Variants in AGAP4 observed in about 807,000 individuals in gnomAD.
The protein encoded by AGAP4 is arf-GAP with GTPase, ANK repeat and PH domain-containing protein 4.
AGAP4 carries 13 observed loss-of-function variants against 60.7 expected under a neutral mutation model. The ratio of observed to expected loss-of-function variants is 0.21; its 90% CI spans 0.14 to 0.34. The LOEUF is 0.34. Among genes scored for constraint, AGAP4 ranks in the 10% least tolerant of loss-of-function variants. AGAP4 has a pLI of 1.00. For synonymous variants in AGAP4, 70 were observed against 339.0 expected, an observed-to-expected ratio of 0.21 and a Z score of 8.72; for missense variants, 169 against 884.0, an observed-to-expected ratio of 0.19 and a Z score of 10.26.
At chr10:45,836,959 G>A (rs1219583092) in intron 4 of AGAP4, among the ~76,000 whole-genome samples, 3 of 148,634 alleles carry the variant, frequency 2.0e-5, no homozygotes, top group Non-Finnish European at 3.0e-5. Flanking sequence ...CTCTGCCTCC[G>A]AGGTTCAAGC....
intron 4 of AGAP4, among the ~76,000 whole-genome samples, chr10:45,840,010 C>A (rs1554898499): frequency 6.7e-6 from 1 of 149,824 alleles, no homozygotes; most frequent in Non-Finnish European, 1.5e-5. Flanking sequence ...ATCTGAATAA[C>A]AAGACTATCA....
Position 45,834,754 on chromosome 10 carries a change from G to T in AGAP4, c.397-638C>A, listed in dbSNP as rs2135937368. Among the ~76,000 whole-genome samples, 2 of 133,896 alleles carry T rather than the reference G, an allele frequency of 1.5e-5. 1 individual carries two copies. The highest frequency in any genetic ancestry group is 6.4e-5 in the African/African-American group (2 of 31,116). The allele number at this position is 133,896 out of a possible 152,430, so 87.8% of individuals were successfully genotyped here. A position where few individuals can be genotyped will look rare whatever the true frequency, so the allele number is the denominator to read the frequency against. On this transcript the variant is annotated intron_variant, in intron 4 of 7. Coordinates refer to ENST00000616763, the MANE Select transcript of AGAP4 (RefSeq NM_001276343.3). ...TTCTGCAGCAATAAAAAGCAGCTGA[G>T]AATTTCTATTAATTAATTAATTTAT... is the stretch of plus-strand genomic sequence containing the variant.
intron 6 of AGAP4, among the ~76,000 whole-genome samples, chr10:45,829,660 C>CATG (rs1554896826): frequency 9.2e-5 from 14 of 152,120 alleles, no homozygotes; most frequent in African/African-American, 3.4e-4. Context: ...CCAATGCACT[C>CATG]CAGCCAAGTG....
intron 1 of AGAP4, 143 bp from the exon 2 acceptor site, chr10:45,846,898 G>C (rs2059008024): frequency 1.7e-6 from 2 of 1,204,272 alleles, no homozygotes; most frequent in East Asian, 5.1e-5. Context: ...GAGAGAGCAA[G>C]AACTGGGCGA....
At chr10:45,848,934 A>T (rs1162125144), upstream of AGAP4, 3 of 150,476 alleles carry the variant, frequency 2.0e-5, no homozygotes, top group African/African-American at 7.3e-5. Flanking sequence ...GTATAAAACC[A>T]TCAGATCTCA....
rs1433794496 is a variant in AGAP4, at chr10:45,843,107, G to A, written c.361+1219C>T. ...AGGTCAGGAGTTTCAGACCAGTCTG[G>A]CTAACATGGTGAAACCCTGTCTCTA... On this transcript the variant is annotated intron_variant, in intron 3 of 7. Coordinates refer to ENST00000616763, the MANE Select transcript of AGAP4 (RefSeq NM_001276343.3). Among the ~76,000 whole-genome samples, 2 of 92,792 alleles carry A rather than the reference G, an allele frequency of 2.2e-5. 1 individual carries two copies. 60.9% of individuals were successfully genotyped at this position (92,792 alleles called of 152,430 possible).
At chr10:45,849,527 C>T (rs1264211996), upstream of AGAP4, among the ~76,000 whole-genome samples, 10 of 150,524 alleles carry the variant, frequency 6.6e-5, no homozygotes, top group Non-Finnish European at 1.0e-4. Flanking sequence ...CTCTTGTTGC[C>T]CAGTGAAATT....
chr10:45,838,691 C>T (rs2058865919), intron 4 of AGAP4, among the ~76,000 whole-genome samples: 3 of 151,426 alleles, frequency 2.0e-5, no homozygotes, highest in Admixed American at 2.0e-4. Flanking sequence ...CTGCCTCAGC[C>T]TCCTGAGTAG....
chr10:45,832,237 A>G (rs1250794422), intron 5 of AGAP4, among the ~76,000 whole-genome samples: 2 of 143,552 alleles, frequency 1.4e-5, no homozygotes, highest in Non-Finnish European at 3.1e-5. Context: ...AATAATTTTA[A>G]AATCACAGAA....
chr10:45,828,545 C>G (rs1255373575), intron 6 of AGAP4, among the ~76,000 whole-genome samples: 80 of 147,286 alleles, frequency 5.4e-4, no homozygotes, highest in South Asian at 3.1e-3. Context: ...CTTTTTAAGA[C>G]GCCAGTCTTT....
At chr10:45,832,274 A>G (rs1345793761) in intron 5 of AGAP4, among the ~76,000 whole-genome samples, 5 of 146,204 alleles carry the variant, frequency 3.4e-5, no homozygotes, top group African/African-American at 1.3e-4. Context: ...GGAAAGGACC[A>G]ATGACCTTAT....
In AGAP4 at chr10:45,844,560, T is replaced by C. The variant is rs1193697589; in HGVS notation, c.293-166A>G. ...AGAGAGAGCCAGGCAAGATGGCACA[T>C]GCTTGTAGTCCCAGCTACTCAGGAG... On this transcript the variant is annotated intron_variant, in intron 2 of 7. Transcript: ENST00000616763. The C allele has an allele frequency of 8.9e-6, 11 of 1,235,696 alleles. 1 individual carries two copies. The highest frequency in any genetic ancestry group is 3.1e-5 in the South Asian group (2 of 64,154). 76.5% of individuals were successfully genotyped at this position (1,235,696 alleles called of 1,614,324 possible).
intron 4 of AGAP4, among the ~76,000 whole-genome samples, chr10:45,839,674 C>G (rs1426149816): frequency 8.8e-6 from 1 of 113,684 alleles, no homozygotes; most frequent in East Asian, 2.7e-4. Flanking sequence ...GCTAGTCAGG[C>G]TTCTAAGGCC....
chr10:45,829,363 A>C (rs2058695071), intron 6 of AGAP4, among the ~76,000 whole-genome samples: 3 of 143,782 alleles, frequency 2.1e-5, no homozygotes, highest in African/African-American at 7.8e-5. Context: ...AGAATCCGTG[A>C]TTTAACTGTG....
At chr10:45,833,725 A>AG (rs2058766459) in intron 5 of AGAP4, among the ~76,000 whole-genome samples, 11 of 103,814 alleles carry the variant, frequency 1.1e-4, no homozygotes, top group African/African-American at 1.9e-4. Context: ...AGTTTCCACA[A>AG]AAAACATTCA....
At chr10:45,838,876 G>A (rs78341628) in intron 4 of AGAP4, among the ~76,000 whole-genome samples, 33,233 of 147,034 alleles carry the variant, frequency 0.23, 4,379 homozygotes, top group South Asian at 0.5. Flanking sequence ...TGAAGTAATG[G>A]GAAGTATATG....
At chr10:45,849,499 T>G (rs1331222387), upstream of AGAP4, among the ~76,000 whole-genome samples, 2 of 150,950 alleles carry the variant, frequency 1.3e-5, no homozygotes, top group African/African-American at 4.9e-5. Context: ...ATTATTATTA[T>G]TTTGAGATGA....
At chr10:45,837,984 C>A (rs1219162717) in intron 4 of AGAP4, among the ~76,000 whole-genome samples, 1 of 150,720 alleles carries the variant, frequency 6.6e-6, no homozygotes, top group South Asian at 2.1e-4. Flanking sequence ...TATCCAGAAT[C>A]TATGAGGAAC....
rs1322800496 is a variant in AGAP4 at position 45,834,135 on chromosome 10, G to A, written c.397-19C>T. On this transcript the variant is annotated intron_variant, in intron 4 of 7. Transcript: ENST00000616763. Reference sequence around the variant, plus strand: ...TAGATACCTGAAGGGGAAGGGAAGTGTAAGTCAAACTTATCAAAGTGTATT... The same window carrying A: ...TAGATACCTGAAGGGGAAGGGAAGTATAAGTCAAACTTATCAAAGTGTATT... 5 of 1,557,360 alleles carry A rather than the reference G, an allele frequency of 3.2e-6. No individual in the cohort carries two copies. The highest frequency in any genetic ancestry group is 1.4e-5 in the African/African-American group (1 of 70,072).
Sources: gnomAD v4.1 joint callset for allele counts (sites outside exome capture counted in the v4.1 genomes callset) on GRCh38, gnomAD v4.1.1 for gene constraint, MANE v1.5 for transcripts, NCBI Gene and HGNC (gene_info 2026-07-23, HGNC 2026-07-21) for gene names.